Variants in CFAP44 observed in about 807,000 individuals in gnomAD.
The protein encoded by CFAP44 is cilia- and flagella-associated protein 44.
CFAP44 carries 134 observed loss-of-function variants against 216.2 expected under a neutral mutation model. That is an observed-to-expected ratio of 0.62 (90% CI 0.54 to 0.72). The LOEUF (loss-of-function observed/expected upper bound fraction) is 0.72, where lower values mean the gene tolerates loss of function less well. Among genes scored for constraint, CFAP44 ranks in the 30% least tolerant of loss-of-function variants. CFAP44 has a pLI of 0.00. For synonymous variants in CFAP44, 700 were observed against 727.6 expected (o/e 0.96, Z 0.61); for missense variants, 2,035 against 2,182.1 (o/e 0.93, Z 1.34).
intron 34 of CFAP44, chr3:113,294,391 A>G: frequency 2.7e-6 from 1 of 364,378 alleles, no homozygotes; most frequent in Non-Finnish European, 5.0e-6. Context: ...AGGGCGTATA[A>G]TGGTGTCGTT....
intron 28 of CFAP44, among the ~76,000 whole-genome samples, chr3:113,314,616 G>A (rs578015357): frequency 1.3e-5 from 2 of 152,224 alleles, no homozygotes; most frequent in South Asian, 4.1e-4. Context: ...AAAAATATGG[G>A]TAAATACAAC....
chr3:113,345,232 A>G (rs1208660905), intron 22 of CFAP44, among the ~76,000 whole-genome samples: 3 of 151,228 alleles, frequency 2.0e-5, no homozygotes, highest in Non-Finnish European at 2.9e-5. Flanking sequence ...AATTATATAA[A>G]CAAATATGTT....
intron 15 of CFAP44, among the ~76,000 whole-genome samples, chr3:113,385,754 C>T (rs1559931680): frequency 6.6e-6 from 1 of 151,946 alleles, no homozygotes; most frequent in African/African-American, 2.4e-5. Context: ...ATTCTCCCAC[C>T]TCAGCCTCCC....
chr3:113,350,220 G>C (rs373513191), intron 22 of CFAP44, among the ~76,000 whole-genome samples: 13 of 152,060 alleles, frequency 8.5e-5, no homozygotes, highest in African/African-American at 3.1e-4. Context: ...AAGACAGAGA[G>C]AAAGAGAAAG....
intron 28 of CFAP44, 105 bp downstream of exon 28, chr3:113,326,340 C>T (rs925302721): frequency 1.8e-5 from 19 of 1,068,052 alleles, no homozygotes; most frequent in Admixed American, 6.8e-5. Context: ...CTACATTGTC[C>T]ATGTTATAGT....
At chr3:113,400,072 A>T in intron 12 of CFAP44, 72 bp from the exon 13 acceptor site, 1 of 964,144 alleles carries the variant, frequency 1.0e-6, no homozygotes. Flanking sequence ...CACTTTTTAC[A>T]TGTTGAATAT....
chr3:113,411,517 G>A (rs1934471917), intron 6 of CFAP44, among the ~76,000 whole-genome samples: 1 of 152,124 alleles, frequency 6.6e-6, no homozygotes, highest in Non-Finnish European at 1.5e-5. Flanking sequence ...ATCTGTTTTA[G>A]TACCAGTACC....
intron 1 of CFAP44, among the ~76,000 whole-genome samples, chr3:113,437,064 C>A (rs2107421991): frequency 6.6e-6 from 1 of 152,296 alleles, no homozygotes; most frequent in East Asian, 1.9e-4. Flanking sequence ...AATTCAGCCC[C>A]ATGTGGCTAT....
intron 33 of CFAP44, 134 bp downstream of exon 33, chr3:113,296,591 T>A (rs1949883297): frequency 6.0e-6 from 6 of 996,268 alleles, no homozygotes; most frequent in Middle Eastern, 2.1e-4. Flanking sequence ...AGGCCTAAGA[T>A]CCTGGGGCAG....
chr3:113,394,434 T>C (rs1933935166), intron 15 of CFAP44, among the ~76,000 whole-genome samples: 1 of 152,222 alleles, frequency 6.6e-6, no homozygotes, highest in Non-Finnish European at 1.5e-5. Flanking sequence ...TCATGCTTTC[T>C]CACAGAGCTT....
chr3:113,317,048 G>A lies in CFAP44; in HGVS notation c.4517-8780C>T, dbSNP rs1037753180. Among the ~76,000 whole-genome samples the A allele has an allele frequency of 2.6e-5, 4 of 152,136 alleles. No homozygotes were observed. In the East Asian group the frequency reaches 7.7e-4, roughly 29 times the overall value. On this transcript the variant is annotated intron_variant, in intron 28 of 34. Transcript: ENST00000393845. ...GCAACAGCGAAGGTGAGGCTGAAGA[G>A]GAAAGAAGCTGGGAACCCTGAACGG...
At chr3:113,306,360 C>T in intron 29 of CFAP44, 29 bp from the exon 30 acceptor site, 1 of 1,530,622 alleles carries the variant, frequency 6.5e-7, no homozygotes, top group South Asian at 1.2e-5. Flanking sequence ...TAAAAACCAG[C>T]CTCATTTGTT....
At position 113,304,982 on chromosome 3, in the gene CFAP44, T is replaced by C. The variant is rs1302578885; in HGVS notation, c.4875+54A>G. On this transcript the variant is annotated intron_variant, in intron 31 of 34. Coordinates refer to ENST00000393845, the MANE Select transcript of CFAP44 (RefSeq NM_001164496.2). ...ACTATGAATCTTTCTCTGAAAAGCT[T>C]GGGTGTGATGACTCTTCTCGGACAG... 2.1e-6 allele frequency: 3 copies of C among 1,461,968 alleles called. No individual in the cohort carries two copies. In the East Asian group the frequency reaches 7.4e-5, roughly 36 times the overall value. The allele number at this position is 1,461,968 out of a possible 1,614,324, so 90.6% of individuals were successfully genotyped here.
At chr3:113,425,249 C>A (rs1324066585) in intron 4 of CFAP44, among the ~76,000 whole-genome samples, 2 of 152,160 alleles carry the variant, frequency 1.3e-5, no homozygotes, top group Non-Finnish European at 2.9e-5. Context: ...AGGGAGTACA[C>A]CACCCTATCT....
At chr3:113,390,056 T>C (rs189524647) in intron 15 of CFAP44, among the ~76,000 whole-genome samples, 1 of 152,212 alleles carries the variant, frequency 6.6e-6, no homozygotes, top group African/African-American at 2.4e-5. Context: ...AAAAGAAAAC[T>C]ATAGGCCACT....
At chr3:113,354,004 T>C (rs1950470394) in intron 22 of CFAP44, among the ~76,000 whole-genome samples, 1 of 152,060 alleles carries the variant, frequency 6.6e-6, no homozygotes, top group Non-Finnish European at 1.5e-5. Flanking sequence ...CAGAAGAGTG[T>C]TGTCTTAGTA....
rs191146474 is a variant in CFAP44, at chr3:113,421,242, C to G, written c.408-1063G>C. Among the ~76,000 whole-genome samples, 6 of 152,282 alleles carry G rather than the reference C, an allele frequency of 3.9e-5. 1 individual carries two copies. The East Asian group carries it at 1.2e-3, about 29-fold the overall frequency. ...AAGCGACCAACAAACATGAAAAACG[C>G]TCCACATCACTAATCATCAGTGAGA... On this transcript the variant is annotated intron_variant, in intron 4 of 34. Transcript: ENST00000393845.
At chr3:113,356,818 A>C (rs1950495916) in intron 22 of CFAP44, among the ~76,000 whole-genome samples, 1 of 152,196 alleles carries the variant, frequency 6.6e-6, no homozygotes, top group Admixed American at 6.5e-5. Flanking sequence ...AACTTCAGTA[A>C]AAGAAAAAAC....
At chr3:113,409,006 CAAAAAAAAAAAAAA>C in intron 7 of CFAP44, 86 bp downstream of exon 7, 1 of 317,686 alleles carries the variant, frequency 3.1e-6, no homozygotes, top group Non-Finnish European at 5.3e-6. Flanking sequence ...ACCAAAACAG[CAAAAAAAAAAAAAA>C]AAAAAAAAAG....
Sources: gnomAD v4.1 joint callset for allele counts (sites outside exome capture counted in the v4.1 genomes callset) on GRCh38, gnomAD v4.1.1 for gene constraint, MANE v1.5 for transcripts, NCBI Gene and HGNC (gene_info 2026-07-23, HGNC 2026-07-21) for gene names.